The following N4BP2L2 variants were observed in gnomAD, a reference collection of about 807,000 sequenced individuals.
The protein encoded by N4BP2L2 is NEDD4-binding protein 2-like 2.
In N4BP2L2, 50 loss-of-function variants were observed where a neutral mutation model predicts 56.2. The observed-to-expected ratio is 0.89, with a 90% CI of 0.71 to 1.13. The LOEUF (loss-of-function observed/expected upper bound fraction) is 1.13, where lower values mean the gene tolerates loss of function less well. Among genes scored for constraint, N4BP2L2 ranks in the 50% most tolerant of loss-of-function variants. N4BP2L2 has a pLI of 0.00. For synonymous variants in N4BP2L2, 203 were observed against 223.6 expected (o/e 0.91, Z 0.82); for missense variants, 689 against 693.8 (o/e 0.99, Z 0.08).
chr13:32,476,410 C>A (rs947108682), intron 6 of N4BP2L2, among the ~76,000 whole-genome samples: 1 of 152,114 alleles, frequency 6.6e-6, no homozygotes, highest in Non-Finnish European at 1.5e-5. Flanking sequence ...AAATAAATTA[C>A]GTGGAATTCT....
chr13:32,441,979 G>A (rs2076448931), intron 7 of N4BP2L2, among the ~76,000 whole-genome samples: 1 of 152,126 alleles, frequency 6.6e-6, no homozygotes, highest in Non-Finnish European at 1.5e-5. Context: ...GGGAGGCTGA[G>A]GCAGGAGAAT....
chr13:32,440,553 G>A (rs753004455), intron 7 of N4BP2L2, among the ~76,000 whole-genome samples: 1 of 151,860 alleles, frequency 6.6e-6, no homozygotes, highest in South Asian at 2.1e-4. Flanking sequence ...TGCAACCTCC[G>A]CCTCCCAGGT....
At chr13:32,462,164 C>T (rs1364692951) in intron 6 of N4BP2L2, among the ~76,000 whole-genome samples, 4 of 152,130 alleles carry the variant, frequency 2.6e-5, no homozygotes, top group African/African-American at 9.7e-5. Flanking sequence ...CAGCACTATT[C>T]ACAACAGCAA....
At chr13:32,480,985 G>A (rs1464815561) in intron 6 of N4BP2L2, among the ~76,000 whole-genome samples, 1 of 151,466 alleles carries the variant, frequency 6.6e-6, no homozygotes, top group African/African-American at 2.4e-5. Context: ...CAGAAATGGT[G>A]GTGCATGCCT....
At chr13:32,448,925 C>CTAGCAGTGGGATCCCTCAGT (rs1055731803) in intron 6 of N4BP2L2, among the ~76,000 whole-genome samples, 4 of 152,202 alleles carry the variant, frequency 2.6e-5, no homozygotes, top group East Asian at 1.9e-4. Context: ...CAGGCCTTAG[C>CTAGCAGTGGGATCCCTCAGT]TAGCAGTGGG....
intron 6 of N4BP2L2, among the ~76,000 whole-genome samples, chr13:32,485,356 C>T (rs766114272): frequency 2.8e-4 from 42 of 152,188 alleles, no homozygotes; most frequent in South Asian, 6.2e-4. Flanking sequence ...CATTGGTGAA[C>T]GCTATCAAAC....
exon 6 of N4BP2L2, chr13:32,513,059 A>C (rs1212510531): frequency 2.0e-5 from 3 of 152,052 alleles, no homozygotes; most frequent in Non-Finnish European, 4.4e-5. Flanking sequence ...TTTCTGTAGG[A>C]GATCTTCCAA....
At chr13:32,522,782 A>G (rs1259522183) in intron 3 of N4BP2L2, 3 of 152,138 alleles carry the variant, frequency 2.0e-5, no homozygotes, top group African/African-American at 7.2e-5. Context: ...TGGTAAGAAT[A>G]TTTTCATTTA....
chr13:32,530,379 A>G (rs1425582611), intron 2 of N4BP2L2, among the ~76,000 whole-genome samples: 1 of 152,226 alleles, frequency 6.6e-6, no homozygotes, highest in Non-Finnish European at 1.5e-5. Flanking sequence ...ATGTCTTATC[A>G]AGCCTCTAAA....
At chr13:32,483,589 T>C (rs1480575442) in intron 6 of N4BP2L2, among the ~76,000 whole-genome samples, 1 of 152,200 alleles carries the variant, frequency 6.6e-6, no homozygotes, top group Non-Finnish European at 1.5e-5. Flanking sequence ...TGGCAGATGA[T>C]CTTTATTTAT....
rs2085144886 is a variant in N4BP2L2, at chr13:32,483,227, T to G, written c.365+34630A>C. Among the ~76,000 whole-genome samples the G allele has an allele frequency of 2.6e-5, 4 of 152,222 alleles. 1 individual carries two copies. Among genetic ancestry groups the G allele is most frequent in the Admixed American group, 2.6e-4 (4 of 15,278 alleles). On this transcript the variant is annotated intron_variant, in intron 6 of 9. Transcript: ENST00000357505. ...AAATGGGTTCAACTGAAGCAAGTAC[T>G]GTGGGAAAATGTAGATGGGCAAAGC...
At chr13:32,463,462 A>C (rs1257646080) in intron 6 of N4BP2L2, among the ~76,000 whole-genome samples, 1 of 151,798 alleles carries the variant, frequency 6.6e-6, no homozygotes, top group Non-Finnish European at 1.5e-5. Flanking sequence ...TCAGGAGTTC[A>C]AGACCAGCCT....
intron 6 of N4BP2L2, among the ~76,000 whole-genome samples, chr13:32,481,118 C>CAT (rs71194527): frequency 4.8e-5 from 1 of 20,712 alleles, no homozygotes; most frequent in Non-Finnish European, 8.2e-5. Context: ...GACTCTGTCT[C>CAT]AAAAAAAAAA....
At chr13:32,447,639 G>T (rs2077242029) in intron 6 of N4BP2L2, among the ~76,000 whole-genome samples, 1 of 152,064 alleles carries the variant, frequency 6.6e-6, no homozygotes, top group Non-Finnish European at 1.5e-5. Flanking sequence ...TTCCCTCAAA[G>T]TCCAGCTCAG....
chr13:32,537,365 A>G lies in N4BP2L2; in HGVS notation c.1-338T>C, dbSNP rs1010857040. On this transcript the variant is annotated intron_variant, in intron 1 of 5. Coordinates refer to ENST00000267068, the Ensembl canonical transcript of N4BP2L2. ...CTGTAAAGTTGAATCAGTAATATAT[A>G]TTTTTATGATATAGATACACAATTG... Among the ~76,000 whole-genome samples the G allele has an allele frequency of 1.8e-4, 27 of 152,282 alleles. 1 individual carries two copies. Among genetic ancestry groups the G allele is most frequent in the Non-Finnish European group, 3.4e-4 (23 of 68,020 alleles).
intron 8 of N4BP2L2, among the ~76,000 whole-genome samples, chr13:32,436,607 T>G (rs1162459045): frequency 6.6e-6 from 1 of 151,682 alleles, no homozygotes; most frequent in African/African-American, 2.4e-5. Context: ...GTGGCCAACA[T>G]GGCAAAACCC....
intron 6 of N4BP2L2, among the ~76,000 whole-genome samples, chr13:32,487,612 C>CA (rs111729944): frequency 0.057 from 8,703 of 151,708 alleles, 841 homozygotes; most frequent in African/African-American, 0.2. Flanking sequence ...GAAGAGGTTG[C>CA]AGTGAGCCAA....
intron 6 of N4BP2L2, among the ~76,000 whole-genome samples, chr13:32,483,940 C>T (rs562697862): frequency 7.4e-5 from 11 of 149,080 alleles, no homozygotes; most frequent in African/African-American, 2.5e-4. Context: ...GTCAAGATCA[C>T]GCCATTGCAC....
chr13:32,536,145 T>C (rs2056495979), exon 2 of N4BP2L2: 3 of 1,614,096 alleles, frequency 1.9e-6, no homozygotes, highest in East Asian at 2.2e-5. Flanking sequence ...GGTGGACCAC[T>C]GAATCTCTGA....
Sources: gnomAD v4.1 joint callset for allele counts (sites outside exome capture counted in the v4.1 genomes callset) on GRCh38, gnomAD v4.1.1 for gene constraint, MANE v1.5 for transcripts, NCBI Gene and HGNC (gene_info 2026-07-23, HGNC 2026-07-21) for gene names.